The following PAX7 variants were observed in gnomAD, a reference collection of about 807,000 sequenced individuals.
PAX7 encodes paired box 7.
In PAX7, 18 loss-of-function variants were observed where a neutral mutation model predicts 50.7. The observed-to-expected ratio is 0.36, with a 90% CI of 0.25 to 0.53. The LOEUF (loss-of-function observed/expected upper bound fraction) is 0.53. Ranked by LOEUF, PAX7 falls within the 20% of genes least tolerant of loss-of-function variation. The pLI is 0.93. For missense variants in PAX7, 644 were observed against 702.9 expected, an observed-to-expected ratio of 0.92 and a Z score of 0.95; for synonymous variants, 310 against 290.4, an observed-to-expected ratio of 1.07 and a Z score of -0.69.
At position 18,632,748 on chromosome 1, in the gene PAX7, G is replaced by A. The variant is rs989741173; in HGVS notation, c.85+1060G>A. Among the ~76,000 whole-genome samples, 80 of 152,016 alleles carry A rather than the reference G, an allele frequency of 5.3e-4. 1 individual carries two copies. Among genetic ancestry groups the A allele is most frequent in the Non-Finnish European group, 3.2e-4 (22 of 67,972 alleles). On this transcript the variant is annotated intron_variant, in intron 1 of 8. Coordinates refer to ENST00000420770, the MANE Select transcript of PAX7 (RefSeq NM_001135254.2). The surrounding 1 kb of genome is among the most constrained non-coding windows in gnomAD (Gnocchi z 6.3). ...TGGGTGGGCTGGCAGCCTGCGATCCGGGAGGAGCTCCCTTGGGCAGCGAGA... is the reference window on the plus strand; with the variant it reads ...TGGGTGGGCTGGCAGCCTGCGATCCAGGAGGAGCTCCCTTGGGCAGCGAGA...
intron 7 of PAX7, among the ~76,000 whole-genome samples, chr1:18,716,518 T>TC (rs1245230054): frequency 3.9e-4 from 59 of 151,352 alleles, no homozygotes; most frequent in African/African-American, 1.4e-3. Context: ...TTTGTTTTTT[T>TC]CACACACTCT....
Position 18,689,594 on chromosome 1 carries a change from C to T in PAX7, c.587-2160C>T, listed in dbSNP as rs144360824. 2.4e-3 allele frequency among the ~76,000 whole-genome samples: 359 copies of T among 152,270 alleles called. 3 individuals are homozygous for T. The South Asian group carries it at 0.029, about 12-fold the overall frequency. ...CACCTGGCACTGGCCAAAAAAAAAGCAAGGATAACTTTCCAACGGACAAGA... is the reference window on the plus strand; with the variant it reads ...CACCTGGCACTGGCCAAAAAAAAAGTAAGGATAACTTTCCAACGGACAAGA... On this transcript the variant is annotated intron_variant, in intron 4 of 8. Transcript: ENST00000420770.
chr1:18,735,579 G>A lies in PAX7; in HGVS notation c.1156-53G>A, dbSNP rs982042086. 166 of 1,565,966 alleles carry A rather than the reference G, an allele frequency of 1.1e-4. No individual in the cohort carries two copies. The highest frequency in any genetic ancestry group is 1.8e-4 in the African/African-American group (13 of 74,272). The stretch of plus-strand genomic sequence containing the variant: ...GCCTGGCATTGTGCCCAGTGTGCTC[G>A]TGTCTCTGGGGTCTGTCCGGTGAGC... On this transcript the variant is annotated intron_variant, in intron 7 of 8. Coordinates refer to ENST00000420770, the MANE Select transcript of PAX7 (RefSeq NM_001135254.2). This position sits in a 1 kb window ranked among gnomAD's most constrained non-coding sequence, Gnocchi z 4.0.
At chr1:18,725,187 G>A (rs1416204872) in intron 7 of PAX7, among the ~76,000 whole-genome samples, 1 of 152,078 alleles carries the variant, frequency 6.6e-6, no homozygotes, top group East Asian at 1.9e-4. Flanking sequence ...TCCTTAACAC[G>A]TTGTGATATG....
chr1:18,666,796 T>C (rs916288210), intron 4 of PAX7, among the ~76,000 whole-genome samples: 75 of 152,332 alleles, frequency 4.9e-4, no homozygotes, highest in African/African-American at 1.7e-3. Context: ...TATTTGAAAC[T>C]GAGGAAGTCA....
chr1:18,733,625 G>C (rs1348651125), intron 7 of PAX7, among the ~76,000 whole-genome samples: 2 of 152,154 alleles, frequency 1.3e-5, no homozygotes, highest in African/African-American at 4.8e-5. Flanking sequence ...GAGGGCATGG[G>C]GGAAAGAACC....
At chr1:18,688,174 C>T (rs1302987641) in intron 4 of PAX7, among the ~76,000 whole-genome samples, 1 of 152,148 alleles carries the variant, frequency 6.6e-6, no homozygotes, top group African/African-American at 2.4e-5. Context: ...AAAACTAATT[C>T]AAGGATACTA....
At chr1:18,727,975 G>C (rs1228747991) in intron 7 of PAX7, among the ~76,000 whole-genome samples, 2 of 152,134 alleles carry the variant, frequency 1.3e-5, no homozygotes, top group African/African-American at 2.4e-5. Flanking sequence ...GGGAAAGGAG[G>C]GGGAGGGTCC....
At chr1:18,702,058 C>T (rs1050029567) in intron 6 of PAX7, among the ~76,000 whole-genome samples, 38 of 152,146 alleles carry the variant, frequency 2.5e-4, no homozygotes, top group African/African-American at 8.9e-4. Flanking sequence ...ATGGGCTGGG[C>T]GCAGTGGCTC....
intron 7 of PAX7, among the ~76,000 whole-genome samples, chr1:18,725,909 G>C (rs2089560274): frequency 6.6e-6 from 1 of 152,214 alleles, no homozygotes; most frequent in Non-Finnish European, 1.5e-5. Context: ...CCTCCATCTG[G>C]TGTTTCCAGA....
chr1:18,685,221 C>T (rs960857305), intron 4 of PAX7, among the ~76,000 whole-genome samples: 1 of 152,180 alleles, frequency 6.6e-6, no homozygotes, highest in Non-Finnish European at 1.5e-5. Context: ...GCCTGCCTTC[C>T]CCTCCCTTTA....
intron 4 of PAX7, among the ~76,000 whole-genome samples, chr1:18,687,727 C>T (rs1309247824): frequency 6.6e-6 from 1 of 152,146 alleles, no homozygotes; most frequent in East Asian, 1.9e-4. Flanking sequence ...GCCCTCCCCA[C>T]TCAGTGTCCA....
intron 4 of PAX7, among the ~76,000 whole-genome samples, chr1:18,646,894 C>CG (rs1557507176): frequency 7.6e-6 from 1 of 131,666 alleles, no homozygotes; most frequent in Non-Finnish European, 1.6e-5. Context: ...CGGCGCGGCG[C>CG]GGGGGGAGCG....
In PAX7 at chr1:18,748,160, G is replaced by T. The variant is rs150613731; in HGVS notation, c.*3231G>T. 4.5e-5 allele frequency: 10 copies of T among 221,592 alleles called. 1 individual carries two copies. Among genetic ancestry groups the T allele is most frequent in the African/African-American group, 2.2e-4 (10 of 44,812 alleles). 13.7% of individuals were successfully genotyped at this position (221,592 alleles called of 1,614,324 possible). ...AATGGAGAGAGAGGTTTGCCCAGAAGGAAAACGAAGAGCCAGATTGAAATC... is the reference window on the plus strand; with the variant it reads ...AATGGAGAGAGAGGTTTGCCCAGAATGAAAACGAAGAGCCAGATTGAAATC... On this transcript the variant is annotated 3_prime_UTR_variant, in exon 9 of 9. Coordinates refer to ENST00000420770, the MANE Select transcript of PAX7 (RefSeq NM_001135254.2).
At chr1:18,679,103 T>C (rs911816294) in intron 4 of PAX7, among the ~76,000 whole-genome samples, 10 of 152,198 alleles carry the variant, frequency 6.6e-5, no homozygotes, top group African/African-American at 1.7e-4. Flanking sequence ...TTTGAACGCT[T>C]CTTCTCTGTG....
chr1:18,696,377 A>AT (rs796089781), intron 5 of PAX7, among the ~76,000 whole-genome samples: 3 of 148,176 alleles, frequency 2.0e-5, no homozygotes, highest in East Asian at 4.5e-4. Flanking sequence ...TTCATGGTGC[A>AT]TTTTTTATGT....
chr1:18,673,320 C>T (rs532055187), intron 4 of PAX7, among the ~76,000 whole-genome samples: 1 of 152,222 alleles, frequency 6.6e-6, no homozygotes, highest in African/African-American at 2.4e-5. Context: ...CTGTTTTATC[C>T]CCATGGAGAA....
At chr1:18,689,611 C>A (rs764478566) in intron 4 of PAX7, among the ~76,000 whole-genome samples, 2 of 152,182 alleles carry the variant, frequency 1.3e-5, no homozygotes, top group Non-Finnish European at 1.5e-5. Flanking sequence ...AACTTTCCAA[C>A]GGACAAGATA....
chr1:18,635,111 C>G lies in PAX7; in HGVS notation c.322C>G (p.Gln108Glu). The G allele has an allele frequency of 6.2e-7, 1 of 1,613,468 alleles. No individual in the cohort carries two copies. The change falls in exon 3 of 9, where the codon CAG becomes GAG. Residue 108 changes from glutamine (Q) to glutamate (E), a missense_variant and splice_region_variant. Coordinates refer to ENST00000420770, the MANE Select transcript of PAX7 (RefSeq NM_001135254.2). ...TACTCTCCCACCTCCACCTCTGAAG[C>G]AGGTGGCGACTCCGGATGTAGAGAA... ...PGAIGGSKPR[Q>E]VATPDVEKKI...
Sources: allele counts gnomAD v4.1 joint callset (sites outside exome capture counted in the v4.1 genomes callset), GRCh38; gene constraint gnomAD v4.1.1; non-coding constraint Gnocchi (gnomAD v3.1); transcripts MANE v1.5; gene names NCBI Gene and HGNC (gene_info 2026-07-23, HGNC 2026-07-21).